RAD51AP1: variants seen among roughly 807,000 people sequenced by gnomAD.
The protein encoded by RAD51AP1 is RAD51 associated protein 1.
A neutral mutation model predicts 34.3 loss-of-function variants in RAD51AP1; 14 were observed. The observed-to-expected ratio is 0.41, with a 90% CI of 0.27 to 0.64. The LOEUF (loss-of-function observed/expected upper bound fraction) is 0.64, where lower values mean the gene tolerates loss of function less well. RAD51AP1 is among the 30% of genes least tolerant of loss of function. The pLI is 0.33. For synonymous variants in RAD51AP1, 114 were observed against 129.8 expected, an observed-to-expected ratio of 0.88 and a Z score of 0.83; for missense variants, 348 against 386.9, an observed-to-expected ratio of 0.90 and a Z score of 0.84.
chr12:4,557,147 C>T (rs1477584310), intron 8 of RAD51AP1, among the ~76,000 whole-genome samples: 1 of 152,178 alleles, frequency 6.6e-6, no homozygotes, highest in Admixed American at 6.5e-5. Context: ...ATGAACCGTC[C>T]ACTTCAGTGA....
intron 6 of RAD51AP1, among the ~76,000 whole-genome samples, chr12:4,551,459 C>T (rs1008132110): frequency 6.9e-6 from 1 of 144,796 alleles, no homozygotes; most frequent in Non-Finnish European, 1.5e-5. Context: ...TGTGCCACTG[C>T]ACTCCAGCCT....
chr12:4,551,293 C>T (rs550595318), intron 6 of RAD51AP1, among the ~76,000 whole-genome samples: 8 of 151,830 alleles, frequency 5.3e-5, no homozygotes, highest in South Asian at 2.1e-4. Flanking sequence ...GTCAGGAGTT[C>T]GAGACCAGCC....
chr12:4,548,696 A>C lies in RAD51AP1; in HGVS notation c.416A>C (p.Lys139Thr), dbSNP rs765219194. The stretch of plus-strand genomic sequence containing the variant: ...TATGCCTCTCCTGAAGATTTGGATA[A>C]GATTACTGTGGAAGATGATGTTGGT... ...SVASDYLDLDKITVEDDVGGV... is the reference protein window; with the variant it reads ...SVASDYLDLDTITVEDDVGGV... Residue 139 changes from lysine to threonine, a missense_variant, in exon 6 of 9, where the codon AAG (lysine) becomes ACG (threonine). Transcript: ENST00000352618. 10 of 1,612,490 alleles carry C rather than the reference A, an allele frequency of 6.2e-6. No homozygotes were observed. The East Asian group carries it at 2.2e-4, about 36-fold the overall frequency.
chr12:4,541,268 A>G (rs1944464627), intron 1 of RAD51AP1, among the ~76,000 whole-genome samples: 1 of 152,184 alleles, frequency 6.6e-6, no homozygotes, highest in African/African-American at 2.4e-5. Flanking sequence ...CCAAAATTCA[A>G]AACATTTCTG....
chr12:4,559,955 TATA>T lies in RAD51AP1; in HGVS notation c.*967_*969del, dbSNP rs1485658918. The stretch of plus-strand genomic sequence containing the variant: ...AAATCATGTTAGCTGTTAAAAAATG[TATA>T]ATAACTCAGTTTTTCTTGGTTTATG... On this transcript the variant is annotated 3_prime_UTR_variant, in exon 9 of 9. Transcript: ENST00000352618. 1.3e-5 allele frequency: 2 copies of T among 152,232 alleles called. No homozygotes were observed. The highest frequency in any genetic ancestry group is 1.9e-4 in the East Asian group (1 of 5,208). The allele number at this position is 152,232 out of a possible 1,614,324, so 9.4% of individuals were successfully genotyped here. A position where few individuals can be genotyped will look rare whatever the true frequency, so the allele number is the denominator to read the frequency against.
chr12:4,553,474 T>G (rs1944561463), intron 7 of RAD51AP1, among the ~76,000 whole-genome samples: 1 of 152,186 alleles, frequency 6.6e-6, no homozygotes, highest in Admixed American at 6.5e-5. Flanking sequence ...ATCTAATAGG[T>G]GAAGGGCTAG....
At chr12:4,546,641 G>A (rs972443065) in intron 4 of RAD51AP1, among the ~76,000 whole-genome samples, 1 of 152,132 alleles carries the variant, frequency 6.6e-6, no homozygotes, top group African/African-American at 2.4e-5. Context: ...TAAGCTTGAG[G>A]GCACGGACTG....
rs746177530 is a variant in RAD51AP1 at position 4,538,943 on chromosome 12, G to T, written c.4G>T (p.Val2Leu). Residue 2 changes from valine (V) to leucine (L), a missense_variant, in exon 1 of 9, where the codon GTG becomes TTG. Val to Leu is a conservative substitution (Grantham distance 32). Coordinates refer to ENST00000352618, the MANE Select transcript of RAD51AP1 (RefSeq NM_006479.5). The part of the protein sequence containing the change: M[V>L]RPVRHKKPVN... ...ATACCAAGCCTTGAAAGGGACCATGGTGCGGCCTGTGAGGTGGGTAGTTCC... is the reference window on the plus strand; with the variant it reads ...ATACCAAGCCTTGAAAGGGACCATGTTGCGGCCTGTGAGGTGGGTAGTTCC... 1.2e-6 allele frequency: 2 copies of T among 1,614,108 alleles called. No individual in the cohort carries two copies. Among genetic ancestry groups the T allele is most frequent in the Non-Finnish European group, 1.7e-6 (2 of 1,179,950 alleles).
chr12:4,557,840 G>A (rs933699566), intron 8 of RAD51AP1, among the ~76,000 whole-genome samples: 15 of 152,134 alleles, frequency 9.9e-5, no homozygotes, highest in Non-Finnish European at 2.2e-4. Flanking sequence ...TTTGAAGGAA[G>A]CAGCTGCTAC....
intron 7 of RAD51AP1, among the ~76,000 whole-genome samples, chr12:4,554,283 C>G (rs1466020185): frequency 6.6e-6 from 1 of 152,140 alleles, no homozygotes; most frequent in Non-Finnish European, 1.5e-5. Flanking sequence ...TCATGTTACT[C>G]GACTCTGACT....
At chr12:4,550,231 C>G (rs1423726425) in intron 6 of RAD51AP1, among the ~76,000 whole-genome samples, 1 of 152,190 alleles carries the variant, frequency 6.6e-6, no homozygotes, top group Non-Finnish European at 1.5e-5. Flanking sequence ...ATTAGTTGGA[C>G]CCCATTTCTG....
At chr12:4,549,565 C>T (rs1194048246) in intron 6 of RAD51AP1, among the ~76,000 whole-genome samples, 2 of 152,168 alleles carry the variant, frequency 1.3e-5, no homozygotes, top group South Asian at 2.1e-4. Flanking sequence ...ACAAACAGCT[C>T]CTGTCCTTCT....
chr12:4,543,675 C>A, intron 2 of RAD51AP1, 88 bp from the exon 3 acceptor site: 1 of 821,420 alleles, frequency 1.2e-6, no homozygotes, highest in Non-Finnish European at 1.8e-6. Context: ...ATTTGCCTAG[C>A]CTATAAAAAC....
chr12:4,545,992 T>G (rs1944503390), intron 3 of RAD51AP1, among the ~76,000 whole-genome samples: 1 of 152,092 alleles, frequency 6.6e-6, no homozygotes, highest in Non-Finnish European at 1.5e-5. Flanking sequence ...TTGAACCAAG[T>G]CTGTTTTGGG....
Position 4,553,006 on chromosome 12 carries a change from G to T in RAD51AP1, c.580G>T (p.Asp194Tyr). ...APGEDSEDDS[D>Y]FCESEDNDED... ...AGGTGAAGATTCTGAGGATGATTCT[G>T]ATTTTTGTGAGAGTGAGGATAATGA... Residue 194 changes from aspartate to tyrosine, a missense_variant, in exon 7 of 9, where the codon GAT (aspartate) becomes TAT (tyrosine). Transcript: ENST00000352618. 1 of 1,590,426 alleles carries T rather than the reference G, an allele frequency of 6.3e-7. No individual in the cohort carries two copies. The highest frequency in any genetic ancestry group is 1.2e-5 in the South Asian group (1 of 86,074).
At chr12:4,551,375 A>G (rs1944545056) in intron 6 of RAD51AP1, among the ~76,000 whole-genome samples, 2 of 151,730 alleles carry the variant, frequency 1.3e-5, no homozygotes, top group Admixed American at 1.3e-4. Context: ...TGTGCCTGTA[A>G]TCCCAGCTAC....
intron 7 of RAD51AP1, among the ~76,000 whole-genome samples, chr12:4,554,074 T>C (rs1944565900): frequency 6.6e-6 from 1 of 152,134 alleles, no homozygotes; most frequent in Admixed American, 6.5e-5. Context: ...TGACTTCATC[T>C]GGGTTCCAGA....
At chr12:4,552,124 G>T (rs1276091057) in intron 6 of RAD51AP1, among the ~76,000 whole-genome samples, 3 of 151,936 alleles carry the variant, frequency 2.0e-5, no homozygotes, top group Non-Finnish European at 4.4e-5. Flanking sequence ...TACATTTTTT[G>T]ATTTAAGCAT....
chr12:4,543,913 T>G lies in RAD51AP1; in HGVS notation c.209+9T>G. 1 of 1,593,246 alleles carries G rather than the reference T, an allele frequency of 6.3e-7. No homozygotes were observed. On this transcript the variant is annotated intron_variant, in intron 3 of 8. Coordinates refer to ENST00000352618, the MANE Select transcript of RAD51AP1 (RefSeq NM_006479.5). Reference sequence around the variant, plus strand: ...AAAACCCCTAAAAAAAGGTGAGAGGTAAGACATGCAGTAAATATATGACAT... The same window carrying G: ...AAAACCCCTAAAAAAAGGTGAGAGGGAAGACATGCAGTAAATATATGACAT...
Sources: allele counts gnomAD v4.1 joint callset (sites outside exome capture counted in the v4.1 genomes callset), GRCh38; gene constraint gnomAD v4.1.1; transcripts MANE v1.5; gene names NCBI Gene and HGNC (gene_info 2026-07-23, HGNC 2026-07-21).